CDH12: variants seen among roughly 807,000 people sequenced by gnomAD.
CDH12 encodes the protein cadherin-12.
A neutral mutation model predicts 74.1 loss-of-function variants in CDH12; 41 were observed. The ratio of observed to expected loss-of-function variants is 0.55; its 90% CI spans 0.43 to 0.72. CDH12 has a LOEUF of 0.72. Ranked by LOEUF, CDH12 falls within the 30% of genes least tolerant of loss-of-function variation. The pLI is 0.00. For missense variants in CDH12, 945 were observed against 977.2 expected (o/e 0.97, Z 0.44); for synonymous variants, 399 against 355.0 (o/e 1.12, Z -1.39).
chr5:22,303,155 T>C (rs1737962719), intron 3 of CDH12, among the ~76,000 whole-genome samples: 1 of 152,092 alleles, frequency 6.6e-6, no homozygotes, highest in South Asian at 2.1e-4. Flanking sequence ...CAGTAAGACA[T>C]CTCATTGAGA....
intron 4 of CDH12, among the ~76,000 whole-genome samples, chr5:22,178,380 T>C (rs1393638346): frequency 6.6e-6 from 1 of 152,176 alleles, no homozygotes; most frequent in African/African-American, 2.4e-5. Context: ...AAATTATAAA[T>C]ACCTATGGTA....
intron 5 of CDH12, among the ~76,000 whole-genome samples, chr5:22,068,349 G>T (rs1173885818): frequency 6.6e-6 from 1 of 152,138 alleles, no homozygotes; most frequent in African/African-American, 2.4e-5. Context: ...CCTTGAGCCT[G>T]TTTCACAGGT....
intron 4 of CDH12, among the ~76,000 whole-genome samples, chr5:22,207,216 C>CAA (rs11430414): frequency 0.083 from 7,605 of 92,082 alleles, 409 homozygotes; most frequent in African/African-American, 0.19. Flanking sequence ...AAGACTGTCT[C>CAA]AAAAAAAAAA....
At chr5:21,938,157 G>A (rs544182805) in intron 6 of CDH12, among the ~76,000 whole-genome samples, 332 of 151,960 alleles carry the variant, frequency 2.2e-3, no homozygotes, top group Non-Finnish European at 3.6e-3. Flanking sequence ...CTTTTGTCTT[G>A]ATGTCTTAAT....
chr5:21,959,322 T>C (rs1223812714), intron 6 of CDH12, among the ~76,000 whole-genome samples: 3 of 151,952 alleles, frequency 2.0e-5, no homozygotes, highest in African/African-American at 4.8e-5. Flanking sequence ...GGCTGGGATT[T>C]CCTATGTTGA....
At chr5:21,880,599 C>CTTT (rs1752237007) in intron 6 of CDH12, among the ~76,000 whole-genome samples, 1 of 55,978 alleles carries the variant, frequency 1.8e-5, no homozygotes, top group African/African-American at 5.9e-5. Context: ...TTCCTTCCTT[C>CTTT]CTTCCTTCCT....
At chr5:22,426,959 C>G (rs1013527893) in intron 2 of CDH12, among the ~76,000 whole-genome samples, 1 of 151,976 alleles carries the variant, frequency 6.6e-6, no homozygotes, top group Non-Finnish European at 1.5e-5. Flanking sequence ...CTCTCTAACC[C>G]CTTCGTCTAC....
In CDH12 at chr5:22,473,325, A is replaced by G. The variant is rs576684112; in HGVS notation, c.-428+31945T>C. Among the ~76,000 whole-genome samples, 162 of 152,242 alleles carry G rather than the reference A, an allele frequency of 1.1e-3. 2 individuals carry two copies. The highest frequency in any genetic ancestry group is 7.1e-3 in the Admixed American group (108 of 15,278). ...TTTATAAAATTTAAAGCACCTATTA[A>G]CACACACTACATGTATTAAATATTA... is the stretch of plus-strand genomic sequence containing the variant. On this transcript the variant is annotated intron_variant, in intron 2 of 14. Coordinates refer to ENST00000382254, the MANE Select transcript of CDH12 (RefSeq NM_004061.5).
chr5:22,290,085 G>A (rs1329416791), intron 3 of CDH12, among the ~76,000 whole-genome samples: 2 of 152,222 alleles, frequency 1.3e-5, no homozygotes, highest in East Asian at 3.9e-4. Context: ...CACCATGCTG[G>A]CCAGCCACGT....
intron 3 of CDH12, among the ~76,000 whole-genome samples, chr5:22,298,644 C>G (rs1337457805): frequency 6.6e-6 from 1 of 152,112 alleles, no homozygotes; most frequent in African/African-American, 2.4e-5. Context: ...TGTAAGCATT[C>G]ACTATTCTCA....
intron 5 of CDH12, among the ~76,000 whole-genome samples, chr5:21,992,618 G>T (rs554463496): frequency 7.9e-5 from 12 of 151,956 alleles, no homozygotes; most frequent in African/African-American, 2.9e-4. Context: ...TGACCATAGA[G>T]GTGCATTATT....
At chr5:22,755,033 T>G (rs555171391) in intron 1 of CDH12, among the ~76,000 whole-genome samples, 61 of 152,316 alleles carry the variant, frequency 4.0e-4, no homozygotes, top group African/African-American at 1.4e-3. Flanking sequence ...TGCCTTTGTT[T>G]TCAAATGAGA....
rs1489118610 is a variant in CDH12 at position 22,153,883 on chromosome 5, T to G, written c.-187+58615A>C. On this transcript the variant is annotated intron_variant, in intron 4 of 14. Transcript: ENST00000382254. ...GTATATATATATATGTATATATATATATATAAATATATATATATATACACA... is the reference window on the plus strand; with the variant it reads ...GTATATATATATATGTATATATATAGATATAAATATATATATATATACACA... 5.7e-4 allele frequency among the ~76,000 whole-genome samples: 29 copies of G among 51,154 alleles called. No homozygotes were observed. In the Admixed American group the frequency reaches 8.7e-3, roughly 15 times the overall value. The allele number at this position is 51,154 out of a possible 152,430, so 33.6% of individuals were successfully genotyped here. A position where few individuals can be genotyped will look rare whatever the true frequency, so the allele number is the denominator to read the frequency against.
intron 2 of CDH12, among the ~76,000 whole-genome samples, chr5:22,471,652 C>A (rs1745964834): frequency 6.6e-6 from 1 of 152,112 alleles, no homozygotes; most frequent in Non-Finnish European, 1.5e-5. Flanking sequence ...AATATTTTAT[C>A]CCCATTCCTC....
At chr5:22,591,364 C>T (rs1268962617) in intron 1 of CDH12, among the ~76,000 whole-genome samples, 1 of 151,828 alleles carries the variant, frequency 6.6e-6, no homozygotes, top group Non-Finnish European at 1.5e-5. Flanking sequence ...GAAACAATGA[C>T]CTGAAAAAAT....
At chr5:22,082,506 G>T (rs1742809713) in intron 4 of CDH12, among the ~76,000 whole-genome samples, 1 of 152,152 alleles carries the variant, frequency 6.6e-6, no homozygotes, top group Non-Finnish European at 1.5e-5. Context: ...TGGGACAGAA[G>T]TATATGGTGC....
intron 6 of CDH12, among the ~76,000 whole-genome samples, chr5:21,863,342 G>A (rs1751153863): frequency 6.6e-6 from 1 of 152,006 alleles, no homozygotes; most frequent in Admixed American, 6.6e-5. Context: ...TTTCATTTCT[G>A]ATCTCAAACA....
At chr5:22,668,400 A>G (rs1343901157) in intron 1 of CDH12, among the ~76,000 whole-genome samples, 1 of 152,208 alleles carries the variant, frequency 6.6e-6, no homozygotes, top group Non-Finnish European at 1.5e-5. Context: ...TTATGTGGTC[A>G]TAATGTGTTT....
At chr5:22,524,410 C>A (rs1048521681) in intron 1 of CDH12, among the ~76,000 whole-genome samples, 4 of 152,168 alleles carry the variant, frequency 2.6e-5, no homozygotes, top group African/African-American at 7.2e-5. Flanking sequence ...CCTTTGGAAA[C>A]ACCAGTTTGT....
Sources: allele counts gnomAD v4.1 joint callset (sites outside exome capture counted in the v4.1 genomes callset), GRCh38; gene constraint gnomAD v4.1.1; transcripts MANE v1.5; gene names NCBI Gene and HGNC (gene_info 2026-07-23, HGNC 2026-07-21).